Variants in CUX1 observed in about 807,000 individuals in gnomAD.
CUX1 encodes protein CASP.
Under a neutral mutation model 158.8 loss-of-function variants are expected in CUX1, and 31 were observed. That is an observed-to-expected ratio of 0.20 (90% confidence interval 0.15 to 0.26). The LOEUF is 0.26. CUX1 is among the 10% of genes least tolerant of loss of function. The pLI is 1.00. For missense variants in CUX1, 1,589 were observed against 2,014.6 expected (o/e 0.79, Z 4.04); for synonymous variants, 879 against 862.1 (o/e 1.02, Z -0.34).
At chr7:101,924,864 C>T (rs919175730) in intron 2 of CUX1, among the ~76,000 whole-genome samples, 2 of 151,954 alleles carry the variant, frequency 1.3e-5, no homozygotes, top group Non-Finnish European at 2.9e-5. Context: ...CGTGAGCCAC[C>T]ACACCTGGCC....
At chr7:101,821,671 CTTTTTTTTTTTTTT>C (rs58793343) in intron 1 of CUX1, among the ~76,000 whole-genome samples, 38 of 51,326 alleles carry the variant, frequency 7.4e-4, no homozygotes, top group Middle Eastern at 0.026. Context: ...TTTCTTTTTT[CTTTTTTTTTTTTTT>C]TTTTTTTTTT....
chr7:101,993,569 C>G (rs1381532335), intron 2 of CUX1, among the ~76,000 whole-genome samples: 2 of 152,194 alleles, frequency 1.3e-5, no homozygotes, highest in Non-Finnish European at 2.9e-5. Flanking sequence ...GCCTGGCACT[C>G]TGCGCGACTG....
At chr7:102,013,778 C>T (rs1207242789) in intron 2 of CUX1, among the ~76,000 whole-genome samples, 3 of 152,190 alleles carry the variant, frequency 2.0e-5, no homozygotes, top group Non-Finnish European at 4.4e-5. Context: ...AGTCACGGCT[C>T]ACTGCACCCT....
intron 1 of CUX1, among the ~76,000 whole-genome samples, chr7:101,909,822 G>A (rs1244836045): frequency 3.9e-5 from 6 of 152,254 alleles, no homozygotes; most frequent in Non-Finnish European, 8.8e-5. Flanking sequence ...CCCTGTGGGA[G>A]CCTGGCCCTG....
intron 8 of CUX1, among the ~76,000 whole-genome samples, chr7:102,124,248 T>A (rs1554494417): frequency 6.6e-6 from 1 of 152,076 alleles, no homozygotes. Flanking sequence ...CCCAAAATTG[T>A]GGGGGTCAGG....
chr7:102,201,866 A>G lies in CUX1; in HGVS notation c.2569A>G (p.Ser857Gly). Residue 857 changes from serine (S) to glycine (G), a missense_variant, in exon 18 of 24, where the codon AGC becomes GGC. Ser to Gly is a moderately conservative substitution (Grantham distance 56). Around this residue, in one of 8 missense-constraint regions of CUX1, gnomAD observed 337 missense variants for 409.3 expected, o/e 0.82. Coordinates refer to ENST00000292535, the MANE Select transcript of CUX1 (RefSeq NM_181552.4). The surrounding 1 kb of genome is among the most constrained non-coding windows in gnomAD (Gnocchi z 5.0). Reference sequence around the variant, plus strand: ...CGGGAAAGAGAAGGGCAGCGGTGGCAGCGGAGGTGGCAGCCAGCCTCGGGC... The same window carrying G: ...CGGGAAAGAGAAGGGCAGCGGTGGCGGCGGAGGTGGCAGCCAGCCTCGGGC... ...GGGKEKGSGG[S>G]GGGSQPRAER... 6.2e-7 allele frequency: 1 copy of G among 1,613,418 alleles called. No homozygotes were observed. Among genetic ancestry groups the G allele is most frequent in the Middle Eastern group, 1.7e-4 (1 of 6,056 alleles).
intron 8 of CUX1, among the ~76,000 whole-genome samples, chr7:102,120,040 C>A (rs1386658009): frequency 6.6e-6 from 1 of 152,142 alleles, no homozygotes; most frequent in Non-Finnish European, 1.5e-5. Flanking sequence ...GGTGGCAGAT[C>A]CCTGGAATCA....
chr7:101,979,334 A>C (rs749286198), intron 2 of CUX1, among the ~76,000 whole-genome samples: 24 of 152,244 alleles, frequency 1.6e-4, no homozygotes, highest in Non-Finnish European at 2.8e-4. Flanking sequence ...GAAGGAATGA[A>C]GCGTGAATTC....
chr7:102,236,417 A>G (rs1251848451), intron 22 of CUX1, among the ~76,000 whole-genome samples: 1 of 152,210 alleles, frequency 6.6e-6, no homozygotes, highest in Non-Finnish European at 1.5e-5. Context: ...TTGCCCCCCT[A>G]AAAGTTTTCA....
chr7:102,058,875 C>T (rs1007529783), intron 3 of CUX1, among the ~76,000 whole-genome samples: 13 of 152,228 alleles, frequency 8.5e-5, no homozygotes, highest in Non-Finnish European at 1.9e-4. Context: ...CAGTAGGAAT[C>T]TGTGTCTCCC....
chr7:101,882,640 G>A (rs555218766), intron 1 of CUX1, among the ~76,000 whole-genome samples: 4 of 152,292 alleles, frequency 2.6e-5, no homozygotes, highest in East Asian at 1.9e-4. Context: ...GCAAGTGAGC[G>A]GCTCACACAG....
At chr7:101,882,871 TC>T (rs1043014084) in intron 1 of CUX1, among the ~76,000 whole-genome samples, 1 of 152,194 alleles carries the variant, frequency 6.6e-6, no homozygotes, top group African/African-American at 2.4e-5. Context: ...GTTTCCTTGT[TC>T]CCTGTCTCGC....
At chr7:101,934,860 A>G (rs941658007) in intron 2 of CUX1, among the ~76,000 whole-genome samples, 4 of 152,064 alleles carry the variant, frequency 2.6e-5, no homozygotes, top group Admixed American at 2.6e-4. Context: ...GGTTTTTTTC[A>G]AGTCTGTTCT....
At chr7:102,002,029 C>T (rs1019914304) in intron 2 of CUX1, among the ~76,000 whole-genome samples, 4 of 152,178 alleles carry the variant, frequency 2.6e-5, no homozygotes, top group African/African-American at 4.8e-5. Flanking sequence ...CACGGTGGCT[C>T]GTGCCTGTAA....
At chr7:101,905,756 C>A (rs891792378) in intron 1 of CUX1, among the ~76,000 whole-genome samples, 1 of 152,192 alleles carries the variant, frequency 6.6e-6, no homozygotes, top group Non-Finnish European at 1.5e-5. Flanking sequence ...TGTAGAGATT[C>A]CTGAACACGC....
chr7:102,014,045 G>T (rs1818326949), intron 2 of CUX1, among the ~76,000 whole-genome samples: 1 of 152,082 alleles, frequency 6.6e-6, no homozygotes, highest in Admixed American at 6.6e-5. Flanking sequence ...GGTGCAATTT[G>T]TGGCTCCATA....
chr7:102,090,367 G>GT (rs368587939), intron 4 of CUX1, among the ~76,000 whole-genome samples: 514 of 144,780 alleles, frequency 3.6e-3, no homozygotes, highest in South Asian at 0.011. Flanking sequence ...CCATGATACC[G>GT]TTTTTTTTTT....
In CUX1 at chr7:102,056,497, T is replaced by A. The variant is rs147113641; in HGVS notation, c.190-13842T>A. Among the ~76,000 whole-genome samples, 579 of 152,292 alleles carry A rather than the reference T, an allele frequency of 3.8e-3. 2 individuals are homozygous for A. The highest frequency in any genetic ancestry group is 0.013 in the African/African-American group (559 of 41,562). On this transcript the variant is annotated intron_variant, in intron 3 of 23. Transcript: ENST00000292535. ...TAGAAATGGAATCATAAAGCCTAGA[T>A]CACAGCATCTGTTTATAGCATGTTT...
At chr7:102,218,073 C>T (rs1430693418) in intron 20 of CUX1, among the ~76,000 whole-genome samples, 2 of 152,218 alleles carry the variant, frequency 1.3e-5, no homozygotes, top group African/African-American at 4.8e-5. Context: ...CTGTCACACC[C>T]CTGTGCTGTG....
Sources: gnomAD v4.1 joint callset for allele counts (sites outside exome capture counted in the v4.1 genomes callset) on GRCh38, gnomAD v4.1.1 for gene constraint, gnomAD v4.1.1 regional missense constraint, Gnocchi (gnomAD v3.1) non-coding constraint, MANE v1.5 for transcripts, NCBI Gene and HGNC (gene_info 2026-07-23, HGNC 2026-07-21) for gene names.